WRN: variants seen among roughly 807,000 people sequenced by gnomAD.
WRN encodes bifunctional 3'-5' exonuclease/ATP-dependent helicase WRN.
Under a neutral mutation model 180.7 loss-of-function variants are expected in WRN, and 149 were observed. The observed-to-expected ratio is 0.82, with a 90% CI of 0.72 to 0.94. The LOEUF (loss-of-function observed/expected upper bound fraction) is 0.94. Ranked by LOEUF, WRN falls within the 40% of genes least tolerant of loss-of-function variation. The pLI, the probability that WRN is intolerant of heterozygous loss-of-function variation, is 0.00. For missense variants in WRN, 1,661 were observed against 1,700.1 expected (o/e 0.98, Z 0.40); for synonymous variants, 548 against 568.9 (o/e 0.96, Z 0.52).
intron 34 of WRN, among the ~76,000 whole-genome samples, chr8:31,172,156 T>C (rs924329946): frequency 1.3e-4 from 20 of 152,020 alleles, no homozygotes; most frequent in Non-Finnish European, 2.2e-4. Context: ...TGTGTGTGTG[T>C]GTGCCTGTGT....
At chr8:31,041,077 G>A (rs1811636696) in intron 1 of WRN, among the ~76,000 whole-genome samples, 1 of 152,174 alleles carries the variant, frequency 6.6e-6, no homozygotes, top group Non-Finnish European at 1.5e-5. Flanking sequence ...CTGAGAAACA[G>A]AACCAATGGG....
chr8:31,090,289 T>C (rs1195916614), intron 13 of WRN, among the ~76,000 whole-genome samples, 176 bp from the exon 14 acceptor site: 1 of 151,502 alleles, frequency 6.6e-6, no homozygotes. Context: ...TTAGTTAGCT[T>C]GAATGGGACA....
chr8:31,149,101 A>G (rs1300996169), intron 30 of WRN, among the ~76,000 whole-genome samples: 1 of 152,212 alleles, frequency 6.6e-6, no homozygotes, highest in Non-Finnish European at 1.5e-5. Context: ...CTTTTGTTAA[A>G]AAATAAATAT....
At chr8:31,101,516 G>T (rs1250113776) in intron 18 of WRN, among the ~76,000 whole-genome samples, 1 of 152,092 alleles carries the variant, frequency 6.6e-6, no homozygotes, top group Non-Finnish European at 1.5e-5. Flanking sequence ...GCCGGGCATG[G>T]TGGCTCACGC....
chr8:31,123,841 C>T (rs190930483), intron 21 of WRN, among the ~76,000 whole-genome samples: 2 of 152,070 alleles, frequency 1.3e-5, no homozygotes, highest in Non-Finnish European at 2.9e-5. Context: ...TAGAAATTAA[C>T]AGAGTCATGA....
chr8:31,133,000 A>T (rs1456185316), intron 24 of WRN, among the ~76,000 whole-genome samples: 5 of 152,238 alleles, frequency 3.3e-5, no homozygotes, highest in African/African-American at 1.2e-4. Flanking sequence ...ATTTAAAGTT[A>T]TAAGAAAATT....
intron 1 of WRN, among the ~76,000 whole-genome samples, chr8:31,052,077 A>G (rs1040331222): frequency 3.3e-5 from 5 of 152,370 alleles, no homozygotes; most frequent in African/African-American, 1.2e-4. Flanking sequence ...GACAAAGATC[A>G]TCTGGCCTGT....
chr8:31,091,066 C>A, intron 15 of WRN, 124 bp downstream of exon 15: 1 of 786,650 alleles, frequency 1.3e-6, no homozygotes, highest in Non-Finnish European at 2.2e-6. Flanking sequence ...ATTGCTTTAT[C>A]TTTATTGGTA....
At chr8:31,116,299 T>C (rs1010277824) in intron 19 of WRN, 55 bp from the exon 20 acceptor site, 1 of 1,584,936 alleles carries the variant, frequency 6.3e-7, no homozygotes, top group African/African-American at 1.3e-5. Context: ...ACCAAACGGG[T>C]CTGAAGCATG....
chr8:31,126,039 A>G (rs1312975640), intron 23 of WRN, among the ~76,000 whole-genome samples: 1 of 151,690 alleles, frequency 6.6e-6, no homozygotes, highest in Non-Finnish European at 1.5e-5. Context: ...AAGGAGAAAT[A>G]GAGAAATCTA....
chr8:31,150,373 A>T lies in WRN; in HGVS notation c.3605A>T (p.Asp1202Val), dbSNP rs1462742050. 1 of 1,614,110 alleles carries T rather than the reference A, an allele frequency of 6.2e-7. No homozygotes were observed. Among genetic ancestry groups the T allele is most frequent in the Admixed American group, 1.7e-5 (1 of 60,018 alleles). ...ACGGTTGAAAACGTAAAAAGGATTG[A>T]TGGTGTTTCTGAAGGCAAAGCTGCC... ...PTTVENVKRI[D>V]GVSEGKAAML... The change falls in exon 31 of 35, where the codon GAT (aspartate) becomes GTT (valine). Residue 1202 changes from aspartate (D) to valine (V), a missense_variant. By Grantham distance (152) the Asp-to-Val change is radical. Transcript: ENST00000298139.
At chr8:31,130,971 A>C (rs1802140657) in intron 23 of WRN, among the ~76,000 whole-genome samples, 2 of 152,018 alleles carry the variant, frequency 1.3e-5, no homozygotes, top group African/African-American at 4.8e-5. Context: ...TCTTTTGCCC[A>C]CCCCATCTCC....
chr8:31,113,077 A>C (rs1399607892), intron 19 of WRN, among the ~76,000 whole-genome samples: 1 of 150,432 alleles, frequency 6.6e-6, no homozygotes, highest in Non-Finnish European at 1.5e-5. Context: ...ATGGTGGTGC[A>C]TGCCTGTAGT....
At chr8:31,088,727 G>C (rs546048984) in intron 12 of WRN, among the ~76,000 whole-genome samples, 163 bp from the exon 13 acceptor site, 2 of 152,098 alleles carry the variant, frequency 1.3e-5, no homozygotes, top group African/African-American at 2.4e-5. Flanking sequence ...GTCACAGATG[G>C]TACCCAGAAG....
At chr8:31,105,176 G>A (rs1801046648) in intron 18 of WRN, among the ~76,000 whole-genome samples, 1 of 152,172 alleles carries the variant, frequency 6.6e-6, no homozygotes, top group Non-Finnish European at 1.5e-5. Flanking sequence ...CATGTGAATT[G>A]AGCTCCAATG....
chr8:31,096,742 C>CTTTTTTTTTTTTTTTTT, intron 16 of WRN, 26 bp from the exon 17 acceptor site: 1 of 1,019,012 alleles, frequency 9.8e-7, no homozygotes, highest in East Asian at 3.2e-5. Context: ...TTTTTTTTTT[C>CTTTTTTTTTTTTTTTTT]TTTTTTCTTT....
In WRN at chr8:31,091,971, A is replaced by G. The variant is rs1315425379; in HGVS notation, c.1898+73A>G. 22 of 1,342,300 alleles carry G rather than the reference A, an allele frequency of 1.6e-5. No homozygotes were observed. In the East Asian group the frequency reaches 3.7e-4, roughly 23 times the overall value. The allele number at this position is 1,342,300 out of a possible 1,614,324, so 83.1% of individuals were successfully genotyped here. A position where few individuals can be genotyped will look rare whatever the true frequency, so the allele number is the denominator to read the frequency against. On this transcript the variant is annotated intron_variant, in intron 16 of 34. Transcript: ENST00000298139. Reference sequence around the variant, plus strand: ...CATATGCAAGTTTGTTACGTGGGTGAATTACATGTTGCTGAGGAAGTTGTG... The same window carrying G: ...CATATGCAAGTTTGTTACGTGGGTGGATTACATGTTGCTGAGGAAGTTGTG...
chr8:31,068,564 T>C (rs968730021), intron 7 of WRN, among the ~76,000 whole-genome samples: 1 of 152,210 alleles, frequency 6.6e-6, no homozygotes, highest in African/African-American at 2.4e-5. Context: ...ATTTGGCTTC[T>C]AGAGTTGGGG....
intron 1 of WRN, among the ~76,000 whole-genome samples, chr8:31,054,393 A>T (rs1334860440): frequency 6.6e-6 from 1 of 150,898 alleles, no homozygotes; most frequent in Non-Finnish European, 1.5e-5. Context: ...ATAAAAAACA[A>T]TTTTTTTTTG....
Sources: allele counts gnomAD v4.1 joint callset (sites outside exome capture counted in the v4.1 genomes callset), GRCh38; gene constraint gnomAD v4.1.1; transcripts MANE v1.5; gene names NCBI Gene and HGNC (gene_info 2026-07-23, HGNC 2026-07-21).